Variants in GLG1 observed in about 807,000 individuals in gnomAD.
GLG1 encodes the protein Golgi apparatus protein 1.
GLG1 carries 38 observed loss-of-function variants against 160.5 expected under a neutral mutation model. That is an observed-to-expected ratio of 0.24 (90% CI 0.18 to 0.31). The LOEUF is 0.31. Among genes scored for constraint, GLG1 ranks in the 10% least tolerant of loss-of-function variants. GLG1 has a pLI of 1.00. For missense variants in GLG1, 1,373 were observed against 1,505.2 expected (o/e 0.91, Z 1.45); for synonymous variants, 644 against 543.4 (o/e 1.19, Z -2.57).
chr16:74,458,218 A>G (rs1330396628), intron 23 of GLG1: 3 of 443,376 alleles, frequency 6.8e-6, no homozygotes, highest in African/African-American at 5.8e-5. Flanking sequence ...GGAAAAAAGC[A>G]GGGGACTGTA....
At chr16:74,488,991 T>C (rs1161403926) in intron 8 of GLG1, among the ~76,000 whole-genome samples, 4 of 152,202 alleles carry the variant, frequency 2.6e-5, no homozygotes, top group African/African-American at 9.7e-5. Context: ...ATTTGGAAAG[T>C]ACTTTTCTTC....
intron 1 of GLG1, among the ~76,000 whole-genome samples, chr16:74,542,735 G>GAGGGAGGGAGGA (rs2017916789): frequency 3.5e-3 from 100 of 28,640 alleles, no homozygotes; most frequent in South Asian, 0.011. Flanking sequence ...GGAAGGAAGG[G>GAGGGAGGGAGGA]AGGAAGGAAG....
At chr16:74,584,677 G>A (rs1328461757) in intron 1 of GLG1, among the ~76,000 whole-genome samples, 1 of 152,128 alleles carries the variant, frequency 6.6e-6, no homozygotes, top group Non-Finnish European at 1.5e-5. Context: ...CCAGCACTTC[G>A]GGAGGCTGAG....
intron 10 of GLG1, among the ~76,000 whole-genome samples, chr16:74,480,767 G>T (rs1222545707): frequency 1.3e-5 from 2 of 152,044 alleles, no homozygotes; most frequent in East Asian, 3.9e-4. Flanking sequence ...GTCCAGGCAG[G>T]TCTCAAACTC....
chr16:74,581,679 G>A (rs553399706), intron 1 of GLG1, among the ~76,000 whole-genome samples: 76 of 152,192 alleles, frequency 5.0e-4, no homozygotes, highest in Admixed American at 7.9e-4. Flanking sequence ...GGGATGTTGA[G>A]GCAGGCAGAT....
At chr16:74,497,328 C>T (rs1254923632) in intron 4 of GLG1, among the ~76,000 whole-genome samples, 3 of 150,810 alleles carry the variant, frequency 2.0e-5, no homozygotes, top group Non-Finnish European at 4.4e-5. Context: ...AAAACCACAT[C>T]GGCTCAAAGT....
intron 1 of GLG1, among the ~76,000 whole-genome samples, chr16:74,605,586 C>A (rs1466699069): frequency 6.6e-6 from 1 of 152,132 alleles, no homozygotes; most frequent in African/African-American, 2.4e-5. Flanking sequence ...TCCTTTCTTT[C>A]TGTCTCCTGC....
intron 1 of GLG1, among the ~76,000 whole-genome samples, chr16:74,553,045 CCT>C (rs2018245919): frequency 6.6e-6 from 1 of 151,928 alleles, no homozygotes; most frequent in Non-Finnish European, 1.5e-5. Flanking sequence ...ATGATGAAAC[CCT>C]GTCTTTACTA....
intron 1 of GLG1, among the ~76,000 whole-genome samples, chr16:74,577,522 C>G (rs200898377): frequency 8.3e-6 from 1 of 120,230 alleles, no homozygotes; most frequent in African/African-American, 3.1e-5. Context: ...AACTCCATCT[C>G]AAAAAAAAAA....
chr16:74,447,537 C>A lies in GLG1; in HGVS notation c.*5630G>T, dbSNP rs1228785952. On this transcript the variant is annotated 3_prime_UTR_variant, in exon 26 of 26. Coordinates refer to ENST00000422840, the MANE Select transcript of GLG1 (RefSeq NM_001145667.2). ...ATCTCAGTAACATCTCAAAATTACACAGCATGAACATGTAAAAACAAGGGA... is the reference window on the plus strand; with the variant it reads ...ATCTCAGTAACATCTCAAAATTACAAAGCATGAACATGTAAAAACAAGGGA... 2 of 152,166 alleles carry A rather than the reference C, an allele frequency of 1.3e-5. No homozygotes were observed. Among genetic ancestry groups the A allele is most frequent in the Non-Finnish European group, 2.9e-5 (2 of 68,012 alleles). The allele number at this position is 152,166 out of a possible 1,614,324, so 9.4% of individuals were successfully genotyped here. A position where few individuals can be genotyped will look rare whatever the true frequency, so the allele number is the denominator to read the frequency against.
chr16:74,469,133 G>T (rs2303277), intron 16 of GLG1, 70 bp from the exon 17 acceptor site: 144,855 of 954,188 alleles, frequency 0.15, 11,950 homozygotes, highest in East Asian at 0.17. Flanking sequence ...CTGGGCTTGG[G>T]GGGGGTCACA....
intron 2 of GLG1, among the ~76,000 whole-genome samples, chr16:74,519,506 T>C (rs1210628576): frequency 6.6e-6 from 1 of 151,304 alleles, no homozygotes; most frequent in African/African-American, 2.4e-5. Flanking sequence ...GTATAGTACA[T>C]ACGATTATGT....
chr16:74,534,167 G>A (rs1187441697), intron 1 of GLG1, among the ~76,000 whole-genome samples: 3 of 151,912 alleles, frequency 2.0e-5, no homozygotes, highest in African/African-American at 7.3e-5. Flanking sequence ...CTCCCTACTT[G>A]TCTAATAGCA....
chr16:74,565,986 C>G (rs547563347), intron 1 of GLG1, among the ~76,000 whole-genome samples: 16 of 152,158 alleles, frequency 1.1e-4, no homozygotes, highest in Non-Finnish European at 1.9e-4. Flanking sequence ...TTGAGGAAAC[C>G]TCGTCAGGTA....
chr16:74,599,791 G>C (rs896915066), intron 1 of GLG1, among the ~76,000 whole-genome samples: 7 of 151,958 alleles, frequency 4.6e-5, no homozygotes, highest in Non-Finnish European at 7.4e-5. Flanking sequence ...GTGAACCCGG[G>C]AGGTAGAGCT....
chr16:74,519,963 T>C (rs2017107307), intron 2 of GLG1, among the ~76,000 whole-genome samples: 1 of 152,206 alleles, frequency 6.6e-6, no homozygotes, highest in Admixed American at 6.5e-5. Context: ...TGTAAAAAGT[T>C]ATATATACTG....
chr16:74,490,933 A>G, intron 8 of GLG1, 68 bp downstream of exon 8: 5 of 1,061,578 alleles, frequency 4.7e-6, no homozygotes, highest in Middle Eastern at 2.8e-4. Flanking sequence ...AAGGTGGGAC[A>G]GCATCAGGAA....
At chr16:74,526,953 C>T (rs143201852) in intron 2 of GLG1, among the ~76,000 whole-genome samples, 2 of 152,108 alleles carry the variant, frequency 1.3e-5, no homozygotes, top group African/African-American at 4.8e-5. Context: ...TGTCTCAGGG[C>T]ATAATCTGTG....
intron 10 of GLG1, among the ~76,000 whole-genome samples, chr16:74,482,688 T>C (rs2015646218): frequency 6.6e-6 from 1 of 152,178 alleles, no homozygotes; most frequent in African/African-American, 2.4e-5. Flanking sequence ...ACTATTATCT[T>C]CTTAGAGACA....
Sources: allele counts gnomAD v4.1 joint callset (sites outside exome capture counted in the v4.1 genomes callset), GRCh38; gene constraint gnomAD v4.1.1; transcripts MANE v1.5; gene names NCBI Gene and HGNC (gene_info 2026-07-23, HGNC 2026-07-21).